COL6A5: variants seen among roughly 807,000 people sequenced by gnomAD.
COL6A5 encodes the protein collagen alpha-5(VI) chain.
A neutral mutation model predicts 65.6 loss-of-function variants in COL6A5; 48 were observed. The ratio of observed to expected loss-of-function variants is 0.73; its 90% CI spans 0.58 to 0.93. The LOEUF (loss-of-function observed/expected upper bound fraction) is 0.93. COL6A5 is among the 40% of genes least tolerant of loss of function. The probability of loss-of-function intolerance (pLI) is 0.00; values close to 1 mark genes in which losing one functional copy is unlikely to be tolerated. For synonymous variants in COL6A5, 291 were observed against 322.8 expected, an observed-to-expected ratio of 0.90 and a Z score of 1.05; for missense variants, 914 against 928.3, an observed-to-expected ratio of 0.98 and a Z score of 0.20.
At position 130,408,130 on chromosome 3, in the gene COL6A5, A is replaced by G. The variant is rs143394275; in HGVS notation, c.4480-1196A>G. 1.5e-3 allele frequency among the ~76,000 whole-genome samples: 236 copies of G among 152,310 alleles called. 5 individuals carry two copies. The East Asian group carries it at 0.037, about 24-fold the overall frequency. ...GCGATTTTCAGGGAACAAGGGAGATAACCACAAAGTCTGACTGCCTGCGGG... is the reference window on the plus strand; with the variant it reads ...GCGATTTTCAGGGAACAAGGGAGATGACCACAAAGTCTGACTGCCTGCGGG... On this transcript the variant is annotated intron_variant and NMD_transcript_variant, in intron 17 of 41. Transcript: ENST00000312481.
At chr3:130,477,330 T>C (rs1559923902) in intron 7 of COL6A5, 2 of 386,176 alleles carry the variant, frequency 5.2e-6, no homozygotes, top group East Asian at 7.9e-5. Flanking sequence ...ATAAATCCAT[T>C]ATATCAAATT....
At chr3:130,451,562 C>T (rs1243795217) in intron 4 of COL6A5, among the ~76,000 whole-genome samples, 1 of 151,980 alleles carries the variant, frequency 6.6e-6, no homozygotes, top group Non-Finnish European at 1.5e-5. Context: ...ACTTTGGTCC[C>T]AGAGCCACTA....
chr3:130,408,005 C>T (rs1054383687), intron 17 of COL6A5, among the ~76,000 whole-genome samples: 9 of 152,156 alleles, frequency 5.9e-5, no homozygotes, highest in Non-Finnish European at 1.3e-4. Context: ...TATGTCGCCT[C>T]AGGACCCTGT....
intron 1 of COL6A5, among the ~76,000 whole-genome samples, chr3:130,358,767 T>G (rs1278001381): frequency 1.3e-5 from 2 of 152,212 alleles, no homozygotes; most frequent in Admixed American, 6.5e-5. Context: ...GCTGCAGTTG[T>G]CTAATATTGG....
intron 6 of COL6A5, among the ~76,000 whole-genome samples, chr3:130,470,222 G>A (rs1709914109): frequency 6.6e-6 from 1 of 152,026 alleles, no homozygotes; most frequent in Non-Finnish European, 1.5e-5. Flanking sequence ...CTTTAGACAT[G>A]CATATAGCAG....
intron 1 of COL6A5, among the ~76,000 whole-genome samples, chr3:130,349,354 A>G (rs921815993): frequency 1.3e-5 from 2 of 152,236 alleles, no homozygotes; most frequent in Admixed American, 6.5e-5. Context: ...AAGCTATGCT[A>G]ACTCTTTGAG....
In COL6A5 at chr3:130,421,379, T is replaced by G. The variant is rs1937515096; in HGVS notation, c.5037+19T>G. On this transcript the variant is annotated intron_variant and NMD_transcript_variant, in intron 27 of 41. Coordinates refer to the COL6A5 transcript ENST00000312481. ...GCAGAAGGTATTGTATGCATGACCT[T>G]TTGAAATTACCATGATCTTAACCTT... The G allele has an allele frequency of 2.6e-6, 4 of 1,550,110 alleles. No individual in the cohort carries two copies. In the Admixed American group the frequency reaches 5.9e-5, roughly 23 times the overall value.
At chr3:130,475,338 G>A (rs1710066478) in intron 7 of COL6A5, among the ~76,000 whole-genome samples, 1 of 151,590 alleles carries the variant, frequency 6.6e-6, no homozygotes, top group South Asian at 2.1e-4. Context: ...GAAAACCAAG[G>A]ATAAAGAAAA....
chr3:130,384,990 T>TC, exon 5 of COL6A5: 1 of 1,550,974 alleles, frequency 6.4e-7, no homozygotes, highest in South Asian at 1.2e-5. Flanking sequence ...GAATTTTATA[T>TC]CACTGACTAT....
In COL6A5 at chr3:130,403,564, T is replaced by C. The variant is rs755977802; in HGVS notation, c.4228-45T>C. ...TAATGATTTCACAAGTTTGACTTTA[T>C]TGGGGGGGGGTGACTAAAATGTATT... On this transcript the variant is annotated intron_variant and NMD_transcript_variant, in intron 12 of 41. Coordinates refer to the COL6A5 transcript ENST00000312481. The C allele has an allele frequency of 3.1e-4, 426 of 1,369,582 alleles. 1 individual carries two copies. The Middle Eastern group carries it at 5.3e-3, about 17-fold the overall frequency. 84.8% of individuals were successfully genotyped at this position (1,369,582 alleles called of 1,614,324 possible). A position where few individuals can be genotyped will look rare whatever the true frequency, so the allele number is the denominator to read the frequency against.
At chr3:130,438,414 T>G (rs1709090373) in intron 1 of COL6A5, among the ~76,000 whole-genome samples, 1 of 152,180 alleles carries the variant, frequency 6.6e-6, no homozygotes, top group Admixed American at 6.6e-5. Flanking sequence ...AGTGAATGAA[T>G]GAATGAATGA....
rs923755821 is a variant in COL6A5 at position 130,349,077 on chromosome 3, C to T, written c.-29+3096C>T. ...TTCTAATACTCCCTATTTGAATTCT[C>T]ATCCATCAAGCCACTCTTTGGGATG... is the stretch of plus-strand genomic sequence containing the variant. On this transcript the variant is annotated intron_variant and NMD_transcript_variant, in intron 1 of 41. Transcript: ENST00000312481. Among the ~76,000 whole-genome samples, 3 of 152,298 alleles carry T rather than the reference C, an allele frequency of 2.0e-5. No individual in the cohort carries two copies. The East Asian group carries it at 5.8e-4, about 29-fold the overall frequency.
At chr3:130,410,010 G>A in exon 19 of COL6A5, 1 of 1,544,320 alleles carries the variant, frequency 6.5e-7, no homozygotes, top group Non-Finnish European at 8.8e-7. Context: ...TTTCTCTAGG[G>A]TAATCCAGGA....
exon 7 of COL6A5, chr3:130,391,680 A>G: frequency 6.4e-7 from 1 of 1,551,642 alleles, no homozygotes. Context: ...AATACTATCT[A>G]TGTAGATAAT....
At chr3:130,407,336 G>T (rs1222554734) in intron 17 of COL6A5, among the ~76,000 whole-genome samples, 1 of 152,208 alleles carries the variant, frequency 6.6e-6, no homozygotes, top group East Asian at 1.9e-4. Flanking sequence ...CCATGTGGAA[G>T]AGCTTGGTTT....
chr3:130,388,467 C>T (rs1443286381), intron 5 of COL6A5, 113 bp from the exon 6 acceptor site: 4 of 878,314 alleles, frequency 4.6e-6, no homozygotes, highest in Non-Finnish European at 6.7e-6. Flanking sequence ...ACAACAGTTG[C>T]CTGAGTTAAT....
At chr3:130,352,213 G>A (rs1352664474) in intron 1 of COL6A5, among the ~76,000 whole-genome samples, 1 of 152,096 alleles carries the variant, frequency 6.6e-6, no homozygotes, top group East Asian at 1.9e-4. Flanking sequence ...TGTAAATGAT[G>A]AGTTGATGGA....
At chr3:130,418,711 A>G (rs1054455976) in intron 24 of COL6A5, among the ~76,000 whole-genome samples, 158 bp from the exon 25 acceptor site, 3 of 152,048 alleles carry the variant, frequency 2.0e-5, no homozygotes, top group South Asian at 2.1e-4. Context: ...TCTGCTAGCT[A>G]TGAAAAAAAC....
chr3:130,421,278 C>T (rs746822084), intron 26 of COL6A5, 47 bp from the exon 27 acceptor site: 66 of 1,546,792 alleles, frequency 4.3e-5, no homozygotes, highest in Non-Finnish European at 5.4e-5. Context: ...GTTCATACTG[C>T]AGAAGTGATA....
Sources: gnomAD v4.1 joint callset for allele counts (sites outside exome capture counted in the v4.1 genomes callset) on GRCh38, gnomAD v4.1.1 for gene constraint, MANE v1.5 for transcripts, NCBI Gene and HGNC (gene_info 2026-07-23, HGNC 2026-07-21) for gene names.